The following SSBP3 variants were observed in gnomAD, a reference collection of about 807,000 sequenced individuals.
SSBP3 encodes single-stranded DNA-binding protein 3.
Under a neutral mutation model 69.6 loss-of-function variants are expected in SSBP3, and 5 were observed. The observed-to-expected ratio is 0.07, with a 90% CI of 0.04 to 0.15. SSBP3 has a LOEUF of 0.15. Among genes scored for constraint, SSBP3 ranks in the 10% least tolerant of loss-of-function variants. The pLI is 1.00. For synonymous variants in SSBP3, 196 were observed against 193.4 expected (o/e 1.01, Z -0.11); for missense variants, 312 against 534.0 (o/e 0.58, Z 4.10).
intron 7 of SSBP3, among the ~76,000 whole-genome samples, chr1:54,254,893 C>T (rs1038668932): frequency 1.3e-5 from 2 of 152,000 alleles, no homozygotes; most frequent in Non-Finnish European, 2.9e-5. Context: ...AGTGCAATGG[C>T]GCAATCTCGG....
chr1:54,387,943 G>A (rs1648206908), intron 4 of SSBP3, among the ~76,000 whole-genome samples: 4 of 152,100 alleles, frequency 2.6e-5, no homozygotes, highest in Admixed American at 6.5e-5. Context: ...TACAAGCAAC[G>A]GCCTCCATTC....
At chr1:54,396,298 T>C (rs981053239) in intron 4 of SSBP3, among the ~76,000 whole-genome samples, 2 of 151,532 alleles carry the variant, frequency 1.3e-5, no homozygotes, top group Non-Finnish European at 2.9e-5. Flanking sequence ...CAACATGTAT[T>C]AAAGAAGTTT....
intron 4 of SSBP3, among the ~76,000 whole-genome samples, chr1:54,301,640 G>A (rs1645803054): frequency 6.6e-6 from 1 of 152,214 alleles, no homozygotes; most frequent in African/African-American, 2.4e-5. Context: ...AGAACAAATG[G>A]GAAGGGGGAT....
At chr1:54,252,936 C>A (rs1022029521) in intron 7 of SSBP3, among the ~76,000 whole-genome samples, 1 of 152,184 alleles carries the variant, frequency 6.6e-6, no homozygotes, top group Admixed American at 6.5e-5. Flanking sequence ...GGCCCCCAGC[C>A]CAGGCTGTGC....
intron 5 of SSBP3, among the ~76,000 whole-genome samples, chr1:54,274,096 T>TGGGG (rs1645243176): frequency 6.6e-6 from 1 of 152,086 alleles, no homozygotes; most frequent in Non-Finnish European, 1.5e-5. Context: ...TCTTCCCCAG[T>TGGGG]AGGAGGCTGC....
chr1:54,318,899 T>C (rs1321517776), intron 4 of SSBP3, among the ~76,000 whole-genome samples: 2 of 152,224 alleles, frequency 1.3e-5, no homozygotes, highest in Non-Finnish European at 2.9e-5. Flanking sequence ...TCCCAGGATG[T>C]ATCCGGCACC....
At chr1:54,368,336 A>G (rs12401635) in intron 4 of SSBP3, among the ~76,000 whole-genome samples, 25,553 of 150,594 alleles carry the variant, frequency 0.17, 2,287 homozygotes, top group East Asian at 0.27. Context: ...GGAGGGACCC[A>G]TGGGAGCCCT....
intron 11 of SSBP3, among the ~76,000 whole-genome samples, chr1:54,241,892 T>A (rs1644645399): frequency 6.6e-6 from 1 of 152,222 alleles, no homozygotes; most frequent in Non-Finnish European, 1.5e-5. Context: ...GGTAGAGGTC[T>A]CCACTCTGAA....
chr1:54,273,454 G>C (rs976724665), intron 5 of SSBP3, among the ~76,000 whole-genome samples: 1 of 152,230 alleles, frequency 6.6e-6, no homozygotes, highest in African/African-American at 2.4e-5. Context: ...GTAACCTTTT[G>C]TCCACTGTTG....
chr1:54,395,523 G>T (rs1648800984), intron 4 of SSBP3, among the ~76,000 whole-genome samples: 1 of 152,244 alleles, frequency 6.6e-6, no homozygotes, highest in Non-Finnish European at 1.5e-5. Context: ...TGACAGGACT[G>T]CCAGCTCTGC....
chr1:54,228,312 G>C (rs1644322603), exon 17 of SSBP3: 1 of 1,613,972 alleles, frequency 6.2e-7, no homozygotes, highest in Non-Finnish European at 8.5e-7. Context: ...CATCTCGAGG[G>C]GTGCCTGGAG....
chr1:54,289,042 A>AAC (rs1645553440), intron 4 of SSBP3, among the ~76,000 whole-genome samples: 2 of 54,792 alleles, frequency 3.7e-5, no homozygotes, highest in East Asian at 2.1e-4. Context: ...AAAAACAAAA[A>AAC]AACAAAAAAA....
rs745807258 is a variant in SSBP3, at chr1:54,228,341, T to C, written c.1051A>G (p.Ile351Val). Residue 351 changes from isoleucine (I) to valine (V), a missense_variant, in exon 17 of 18, where the codon ATA becomes GTA. Around this residue, in one of 4 missense-constraint regions of SSBP3, gnomAD observed 63 missense variants for 137.2 expected, o/e 0.46. Transcript: ENST00000610401. ...CCTGGAGGATTGCTAATGCCACTTA[T>C]GTTGTTAGGAGAATTCTGTGGAAAG... The C allele has an allele frequency of 2.0e-5, 33 of 1,614,016 alleles. No individual in the cohort carries two copies. Among genetic ancestry groups the C allele is most frequent in the Admixed American group, 8.3e-5 (5 of 60,008 alleles).
At chr1:54,260,993 C>T (rs979259867) in intron 5 of SSBP3, among the ~76,000 whole-genome samples, 2 of 152,244 alleles carry the variant, frequency 1.3e-5, no homozygotes, top group African/African-American at 2.4e-5. Context: ...GCCTGCCCAC[C>T]TCTCGGCACA....
chr1:54,406,037 C>CGCCGCT, exon 1 of SSBP3: 2 of 1,115,222 alleles, frequency 1.8e-6, no homozygotes, highest in Admixed American at 4.6e-5. Context: ...CGCCGAGCCT[C>CGCCGCT]GCCGCCGCCG....
At chr1:54,320,770 G>A (rs926135985) in intron 4 of SSBP3, among the ~76,000 whole-genome samples, 6 of 152,200 alleles carry the variant, frequency 3.9e-5, no homozygotes, top group African/African-American at 1.4e-4. Flanking sequence ...GAGAAGGAGA[G>A]CAGATAAGCA....
intron 5 of SSBP3, among the ~76,000 whole-genome samples, chr1:54,269,827 G>A (rs1280898738): frequency 6.6e-6 from 1 of 152,216 alleles, no homozygotes; most frequent in Non-Finnish European, 1.5e-5. Flanking sequence ...ACCACAAAGA[G>A]CTCTGACTTC....
upstream of SSBP3, among the ~76,000 whole-genome samples, chr1:54,408,638 C>T (rs60871702): frequency 6.4e-3 from 980 of 152,334 alleles, 10 homozygotes; most frequent in African/African-American, 0.023. Flanking sequence ...ATTTGAGCAT[C>T]AGTTTCTTCA....
chr1:54,252,186 C>G (rs1317740471), intron 7 of SSBP3, among the ~76,000 whole-genome samples: 1 of 152,228 alleles, frequency 6.6e-6, no homozygotes, highest in Non-Finnish European at 1.5e-5. Flanking sequence ...AGGTCTTGCT[C>G]TGGCTGTAGC....
Sources: allele counts gnomAD v4.1 joint callset (sites outside exome capture counted in the v4.1 genomes callset), GRCh38; gene constraint gnomAD v4.1.1; regional missense constraint gnomAD v4.1.1; transcripts MANE v1.5; gene names NCBI Gene and HGNC (gene_info 2026-07-23, HGNC 2026-07-21).